SPAG16: variants seen among roughly 807,000 people sequenced by gnomAD.
The protein encoded by SPAG16 is sperm associated antigen 16.
SPAG16 carries 86 observed loss-of-function variants against 80.4 expected under a neutral mutation model. The observed-to-expected ratio is 1.07, with a 90% CI of 0.90 to 1.28. The LOEUF (loss-of-function observed/expected upper bound fraction) is 1.28. Among genes scored for constraint, SPAG16 ranks in the 50% most tolerant of loss-of-function variants. The pLI is 0.00. For synonymous variants in SPAG16, 294 were observed against 265.9 expected, an observed-to-expected ratio of 1.11 and a Z score of -1.03; for missense variants, 870 against 765.3, an observed-to-expected ratio of 1.14 and a Z score of -1.61.
intron 10 of SPAG16, among the ~76,000 whole-genome samples, chr2:213,838,149 G>A (rs1320034933): frequency 6.6e-6 from 1 of 151,776 alleles, no homozygotes; most frequent in Non-Finnish European, 1.5e-5. Context: ...AAAAATAAAA[G>A]GCCAAAGAGT....
chr2:213,400,466 G>C (rs1397526462), intron 9 of SPAG16, among the ~76,000 whole-genome samples: 2 of 152,004 alleles, frequency 1.3e-5, no homozygotes, highest in East Asian at 3.9e-4. Context: ...TTTTTTATTT[G>C]GGTTATTATG....
intron 13 of SPAG16, among the ~76,000 whole-genome samples, chr2:214,033,345 A>C (rs1575900808): frequency 6.6e-6 from 1 of 152,218 alleles, no homozygotes; most frequent in South Asian, 2.1e-4. Context: ...ATTTCAGTAC[A>C]GTGTGAAAAG....
intron 9 of SPAG16, among the ~76,000 whole-genome samples, chr2:213,460,358 T>C (rs554047272): frequency 1.3e-5 from 2 of 152,358 alleles, no homozygotes; most frequent in Non-Finnish European, 2.9e-5. Flanking sequence ...TCTATATCCA[T>C]AGAACAAGTG....
intron 10 of SPAG16, among the ~76,000 whole-genome samples, chr2:213,832,389 T>C (rs1175070597): frequency 1.3e-5 from 2 of 152,146 alleles, no homozygotes; most frequent in Non-Finnish European, 2.9e-5. Context: ...CAGAAGGCTT[T>C]GGAATCAATG....
In SPAG16 at chr2:213,650,710, G is replaced by A. The variant is rs190604212; in HGVS notation, c.1070+160620G>A. ...TGCCCATTCCATTTTCTCAGCAGTG[G>A]TCAACTACCTCAAGTGAGACTATTA... On this transcript the variant is annotated intron_variant, in intron 10 of 15. Coordinates refer to ENST00000331683, the MANE Select transcript of SPAG16 (RefSeq NM_024532.5). Among the ~76,000 whole-genome samples, 4 of 152,236 alleles carry A rather than the reference G, an allele frequency of 2.6e-5. No homozygotes were observed. In the East Asian group the frequency reaches 7.7e-4, roughly 29 times the overall value.
chr2:214,024,715 A>C (rs1231593779), intron 13 of SPAG16, among the ~76,000 whole-genome samples: 1 of 151,782 alleles, frequency 6.6e-6, no homozygotes, highest in Non-Finnish European at 1.5e-5. Flanking sequence ...AGATTGATGG[A>C]AAGTTGAAAC....
chr2:214,270,926 T>C (rs1417224628), intron 15 of SPAG16, among the ~76,000 whole-genome samples: 1 of 152,118 alleles, frequency 6.6e-6, no homozygotes, highest in Non-Finnish European at 1.5e-5. Context: ...ATAAGTTCCA[T>C]GAGTACAGTA....
chr2:213,418,138 G>T (rs1403223974), intron 9 of SPAG16, among the ~76,000 whole-genome samples: 1 of 152,118 alleles, frequency 6.6e-6, no homozygotes, highest in African/African-American at 2.4e-5. Context: ...CTCCCAAAGT[G>T]CTGGGATTAC....
At chr2:213,722,343 G>A (rs1358534307) in intron 10 of SPAG16, among the ~76,000 whole-genome samples, 1 of 152,152 alleles carries the variant, frequency 6.6e-6, no homozygotes, top group Non-Finnish European at 1.5e-5. Flanking sequence ...TGAATTTAAA[G>A]TTGAATTTAA....
intron 12 of SPAG16, among the ~76,000 whole-genome samples, chr2:213,938,568 G>C (rs2079078809): frequency 6.6e-6 from 1 of 151,668 alleles, no homozygotes; most frequent in African/African-American, 2.4e-5. Flanking sequence ...CCAAAACCAA[G>C]CTTGTTTTAA....
chr2:213,708,982 A>G (rs1392187337), intron 10 of SPAG16, among the ~76,000 whole-genome samples: 1 of 152,140 alleles, frequency 6.6e-6, no homozygotes, highest in East Asian at 1.9e-4. Flanking sequence ...TTGTTGGCCT[A>G]TCCTGTTTAG....
At chr2:213,409,783 A>G (rs1019816423) in intron 9 of SPAG16, among the ~76,000 whole-genome samples, 13 of 152,184 alleles carry the variant, frequency 8.5e-5, no homozygotes, top group Non-Finnish European at 1.6e-4. Flanking sequence ...AAACTAATAA[A>G]AATAGGTGCT....
chr2:213,710,135 T>G (rs1220101665), intron 10 of SPAG16, among the ~76,000 whole-genome samples: 1 of 151,850 alleles, frequency 6.6e-6, no homozygotes, highest in Non-Finnish European at 1.5e-5. Flanking sequence ...ATACAAAAAA[T>G]TAGCTGGGGG....
chr2:213,481,844 G>A (rs1019421460), intron 9 of SPAG16, among the ~76,000 whole-genome samples: 10 of 152,230 alleles, frequency 6.6e-5, no homozygotes, highest in African/African-American at 2.2e-4. Flanking sequence ...TGCAAGAGAA[G>A]GGCACAGACT....
chr2:213,365,524 C>G (rs1371572731), intron 8 of SPAG16: 1 of 151,546 alleles, frequency 6.6e-6, no homozygotes, highest in African/African-American at 2.4e-5. Flanking sequence ...GTGGCATGAT[C>G]TCAGCTCACT....
intron 1 of SPAG16, chr2:213,285,997 A>T: frequency 9.6e-7 from 1 of 1,037,980 alleles, no homozygotes; most frequent in Non-Finnish European, 1.3e-6. Flanking sequence ...CATGAGATTG[A>T]CACAATGAGG....
intron 15 of SPAG16, among the ~76,000 whole-genome samples, chr2:214,213,499 A>C (rs1206380077): frequency 6.6e-6 from 1 of 152,180 alleles, no homozygotes. Flanking sequence ...CAAGGGAGCA[A>C]GCATAGGTTT....
At chr2:214,174,885 C>T (rs1473040954) in intron 15 of SPAG16, among the ~76,000 whole-genome samples, 1 of 151,674 alleles carries the variant, frequency 6.6e-6, no homozygotes, top group Non-Finnish European at 1.5e-5. Flanking sequence ...TAAATAACCA[C>T]TTCATTCAGT....
At chr2:214,093,348 C>T (rs1158513406) in intron 13 of SPAG16, among the ~76,000 whole-genome samples, 2 of 151,906 alleles carry the variant, frequency 1.3e-5, no homozygotes, top group Non-Finnish European at 2.9e-5. Context: ...AACTTTATTG[C>T]CATAGTAATG....
Sources: gnomAD v4.1 joint callset for allele counts (sites outside exome capture counted in the v4.1 genomes callset) on GRCh38, gnomAD v4.1.1 for gene constraint, MANE v1.5 for transcripts, NCBI Gene and HGNC (gene_info 2026-07-23, HGNC 2026-07-21) for gene names.